Variants in INHBA observed in about 807,000 individuals in gnomAD.
The protein encoded by INHBA is inhibin beta A chain.
Under a neutral mutation model 29.0 loss-of-function variants are expected in INHBA, and 1 was observed. That is an observed-to-expected ratio of 0.03 (90% CI 0.01 to 0.16). The LOEUF is 0.16. INHBA is among the 10% of genes least tolerant of loss of function. INHBA has a pLI of 1.00. For synonymous variants in INHBA, 242 were observed against 216.8 expected (o/e 1.12, Z -1.02); for missense variants, 376 against 545.4 (o/e 0.69, Z 3.09).
intron 2 of INHBA, among the ~76,000 whole-genome samples, chr7:41,696,492 G>C (rs1794650925): frequency 6.6e-6 from 1 of 152,106 alleles, no homozygotes; most frequent in Admixed American, 6.5e-5. Flanking sequence ...TTTTCTGCAG[G>C]ATGAGAGGGA....
At chr7:41,705,091 T>C (rs1286044510), upstream of INHBA, among the ~76,000 whole-genome samples, 1 of 152,182 alleles carries the variant, frequency 6.6e-6, no homozygotes, top group Non-Finnish European at 1.5e-5. Context: ...ATAGCTTCTG[T>C]GGAATATTCT....
At chr7:41,697,111 C>G (rs1232953078) in intron 2 of INHBA, among the ~76,000 whole-genome samples, 1 of 152,098 alleles carries the variant, frequency 6.6e-6, no homozygotes, top group Non-Finnish European at 1.5e-5. Context: ...GCTGAAAAGG[C>G]CACTGAATTT....
rs555511640 is a variant in INHBA, at chr7:41,703,018, A to T, written c.-157T>A. 6.6e-6 allele frequency: 1 copy of T among 152,184 alleles called. No individual in the cohort carries two copies. Among genetic ancestry groups the T allele is most frequent in the East Asian group, 1.9e-4 (1 of 5,170 alleles). 9.4% of individuals were successfully genotyped at this position (152,184 alleles called of 1,614,324 possible). The stretch of plus-strand genomic sequence containing the variant: ...AAAAAGCATTACCTTTCTGGTCCCC[A>T]CTCTTCCACCAGCCGGCTCTTGTAT... On this transcript the variant is annotated 5_prime_UTR_variant, in exon 1 of 3. Coordinates refer to ENST00000242208, the MANE Select transcript of INHBA (RefSeq NM_002192.4).
rs1321121342 is a variant in INHBA, at chr7:41,686,779, A to G, written c.*2871T>C. ...TGTCTAGGACTTAGCTTAAAAAGATAGCAGATGTATTTGAGATGAGTGGGA... is the reference window on the plus strand; with the variant it reads ...TGTCTAGGACTTAGCTTAAAAAGATGGCAGATGTATTTGAGATGAGTGGGA... On this transcript the variant is annotated 3_prime_UTR_variant, in exon 3 of 3. Coordinates refer to ENST00000242208, the MANE Select transcript of INHBA (RefSeq NM_002192.4). 1.3e-5 allele frequency: 2 copies of G among 152,222 alleles called. No homozygotes were observed. Among genetic ancestry groups the G allele is most frequent in the Non-Finnish European group, 1.5e-5 (1 of 68,030 alleles). The allele number at this position is 152,222 out of a possible 1,614,324, so 9.4% of individuals were successfully genotyped here.
intron 2 of INHBA, among the ~76,000 whole-genome samples, chr7:41,698,030 T>C (rs1431314023): frequency 1.3e-5 from 2 of 152,220 alleles, no homozygotes; most frequent in Non-Finnish European, 2.9e-5. Flanking sequence ...CTTGACTCAA[T>C]GTGAACGTCC....
chr7:41,686,712 G>A lies in INHBA; in HGVS notation c.*2938C>T, dbSNP rs1794400428. On this transcript the variant is annotated 3_prime_UTR_variant, in exon 3 of 3. Transcript: ENST00000242208. ...TATGGAATTACATTTCTCTGCTTCTGATAACTGTGGTCACTAATCAACCCC... is the reference window on the plus strand; with the variant it reads ...TATGGAATTACATTTCTCTGCTTCTAATAACTGTGGTCACTAATCAACCCC... 6.6e-6 allele frequency: 1 copy of A among 152,116 alleles called. No homozygotes were observed. The highest frequency in any genetic ancestry group is 1.5e-5 in the Non-Finnish European group (1 of 68,012). The allele number at this position is 152,116 out of a possible 1,614,324, so 9.4% of individuals were successfully genotyped here. A position where few individuals can be genotyped will look rare whatever the true frequency, so the allele number is the denominator to read the frequency against.
intron 2 of INHBA, among the ~76,000 whole-genome samples, chr7:41,697,444 C>T (rs1029094143): frequency 1.3e-5 from 2 of 152,146 alleles, no homozygotes; most frequent in Non-Finnish European, 2.9e-5. Context: ...CTCAGCACTT[C>T]AGCTTTTGGA....
rs1388336057 is a variant in INHBA at position 41,690,199 on chromosome 7, A to G, written c.732T>C (p.Cys244=). The G allele has an allele frequency of 6.2e-7, 1 of 1,613,480 alleles. No homozygotes were observed. Among genetic ancestry groups the G allele is most frequent in the Admixed American group, 1.7e-5 (1 of 59,980 alleles). Reference sequence around the variant, plus strand: ...TGGCGCCACTCTCCTGGCACTGCTCACAGGCAATCCGAACGTCCAGGGAGC... The same window carrying G: ...TGGCGCCACTCTCCTGGCACTGCTCGCAGGCAATCCGAACGTCCAGGGAGC... ...GKSSLDVRIA[C]EQCQESGASL... Residue 244 remains cysteine (C), a synonymous_variant, in exon 3 of 3, where the codon TGT becomes TGC. Transcript: ENST00000242208.
rs865909398 is a variant in INHBA, at chr7:41,700,575, G to C, written c.-143-58C>G. On this transcript the variant is annotated intron_variant, in intron 1 of 2. Coordinates refer to ENST00000242208, the MANE Select transcript of INHBA (RefSeq NM_002192.4). ...TTTGTTTGCAGGTTCCTCTCTGAAT[G>C]CAGTCAGTGCTGTAGGTTTGTGGCT... 2.8e-5 allele frequency: 12 copies of C among 422,424 alleles called. No individual in the cohort carries two copies. The Middle Eastern group carries it at 1.9e-3, about 68-fold the overall frequency. 26.2% of individuals were successfully genotyped at this position (422,424 alleles called of 1,614,324 possible).
intron 1 of INHBA, among the ~76,000 whole-genome samples, chr7:41,702,265 A>G (rs1016697286): frequency 6.6e-6 from 1 of 152,208 alleles, no homozygotes; most frequent in African/African-American, 2.4e-5. Flanking sequence ...CTAAGTTATA[A>G]TTACAGTTTG....
chr7:41,690,178 G>T lies in INHBA; in HGVS notation c.753C>A (p.Gly251=), dbSNP rs776081862. The part of the protein sequence containing the change: ...RIACEQCQES[G]ASLVLLGKKK... ...TCTTGCCCAGGAGAACCAAGCTGGCGCCACTCTCCTGGCACTGCTCACAGG... is the reference window on the plus strand; with the variant it reads ...TCTTGCCCAGGAGAACCAAGCTGGCTCCACTCTCCTGGCACTGCTCACAGG... The change falls in exon 3 of 3, where the codon GGC becomes GGA. Residue 251 remains glycine (G), a synonymous_variant. Transcript: ENST00000242208. The T allele has an allele frequency of 6.2e-7, 1 of 1,613,426 alleles. No individual in the cohort carries two copies. The highest frequency in any genetic ancestry group is 8.5e-7 in the Non-Finnish European group (1 of 1,179,962).
chr7:41,699,955 CCTCCCCACCCCCTG>C lies in INHBA; in HGVS notation c.388+18_388+31del. 4.0e-6 allele frequency: 1 copy of C among 250,350 alleles called. No homozygotes were observed. Among genetic ancestry groups the C allele is most frequent in the Non-Finnish European group, 8.3e-6 (1 of 119,866 alleles). 15.5% of individuals were successfully genotyped at this position (250,350 alleles called of 1,614,324 possible). The stretch of plus-strand genomic sequence containing the variant: ...ATATTTTACCCTCCCACCCCCCACC[CCTCCCCACCCCCTG>C]CCAATGCCAGCACCAACCTGACTCG... On this transcript the variant is annotated intron_variant, in intron 2 of 2. Transcript: ENST00000242208.
intron 2 of INHBA, among the ~76,000 whole-genome samples, chr7:41,695,556 G>A (rs1261617126): frequency 2.6e-5 from 4 of 152,128 alleles, no homozygotes; most frequent in African/African-American, 9.7e-5. Context: ...CTATAGGTTT[G>A]GCCATAAATT....
Position 41,700,095 on chromosome 7 carries a change from T to C in INHBA, c.280A>G (p.Lys94Glu). The change falls in exon 2 of 3, where the codon AAA becomes GAA. Residue 94 changes from lysine (K) to glutamate (E), a missense_variant. Coordinates refer to ENST00000242208, the MANE Select transcript of INHBA (RefSeq NM_002192.4). ...LNAIRKLHVG[K>E]VGENGYVEIE... Reference sequence around the variant, plus strand: ...TCCACATACCCGTTCTCCCCGACTTTGCCCACATGAAGCTTTCTGATCGCG... The same window carrying C: ...TCCACATACCCGTTCTCCCCGACTTCGCCCACATGAAGCTTTCTGATCGCG... 1 of 1,614,054 alleles carries C rather than the reference T, an allele frequency of 6.2e-7. No homozygotes were observed. The highest frequency in any genetic ancestry group is 8.5e-7 in the Non-Finnish European group (1 of 1,180,026).
At chr7:41,691,747 T>C (rs1205951546) in intron 2 of INHBA, 1 of 152,298 alleles carries the variant, frequency 6.6e-6, no homozygotes, top group African/African-American at 2.4e-5. Context: ...TGGTTTAGAA[T>C]GCCCGGGGTC....
chr7:41,687,411 C>A lies in INHBA; in HGVS notation c.*2239G>T, dbSNP rs772377318. Reference sequence around the variant, plus strand: ...TTTCAAAATGTTTGCCAACTTCACACAAGTGTGTAAAAATAGGGCTCTGGA... The same window carrying A: ...TTTCAAAATGTTTGCCAACTTCACAAAAGTGTGTAAAAATAGGGCTCTGGA... On this transcript the variant is annotated 3_prime_UTR_variant, in exon 3 of 3. Transcript: ENST00000242208. 3.9e-5 allele frequency: 6 copies of A among 152,130 alleles called. No individual in the cohort carries two copies. Among genetic ancestry groups the A allele is most frequent in the Non-Finnish European group, 7.4e-5 (5 of 68,018 alleles). 9.4% of individuals were successfully genotyped at this position (152,130 alleles called of 1,614,324 possible).
chr7:41,689,582 A>T lies in INHBA; in HGVS notation c.*68T>A. On this transcript the variant is annotated 3_prime_UTR_variant, in exon 3 of 3. Transcript: ENST00000242208. Reference sequence around the variant, plus strand: ...TTCTGGTTAACTCAGAAACCTTAAAAATTTCTTCATTTTGCCACTGTCTTC... The same window carrying T: ...TTCTGGTTAACTCAGAAACCTTAAATATTTCTTCATTTTGCCACTGTCTTC... 8.0e-7 allele frequency: 1 copy of T among 1,256,302 alleles called. No individual in the cohort carries two copies. 77.8% of individuals were successfully genotyped at this position (1,256,302 alleles called of 1,614,324 possible).
At chr7:41,699,914 G>C (rs1794734085) in intron 2 of INHBA, 73 bp downstream of exon 2, 1 of 979,942 alleles carries the variant, frequency 1.0e-6, no homozygotes, top group Non-Finnish European at 1.5e-6. Flanking sequence ...GTTCCTCCTG[G>C]GACTGTCAAA....
chr7:41,699,231 C>T (rs1027455105), intron 2 of INHBA, among the ~76,000 whole-genome samples: 6 of 152,154 alleles, frequency 3.9e-5, no homozygotes, highest in African/African-American at 7.2e-5. Flanking sequence ...GTCAAGGTTG[C>T]GTTCCTTGGC....
Sources: allele counts gnomAD v4.1 joint callset (sites outside exome capture counted in the v4.1 genomes callset), GRCh38; gene constraint gnomAD v4.1.1; transcripts MANE v1.5; gene names NCBI Gene and HGNC (gene_info 2026-07-23, HGNC 2026-07-21).